The following NUDT5 variants were observed in gnomAD, a reference collection of about 807,000 sequenced individuals.
The protein encoded by NUDT5 is ADP-sugar pyrophosphatase.
In NUDT5, 21 loss-of-function variants were observed where a neutral mutation model predicts 34.1. The observed-to-expected ratio is 0.62, with a 90% CI of 0.44 to 0.89. The LOEUF is 0.89. Ranked by LOEUF, NUDT5 falls within the 40% of genes least tolerant of loss-of-function variation. The pLI is 0.00. For missense variants in NUDT5, 249 were observed against 274.8 expected (o/e 0.91, Z 0.66); for synonymous variants, 85 against 97.6 (o/e 0.87, Z 0.76).
intron 1 of NUDT5, among the ~76,000 whole-genome samples, chr10:12,192,140 G>C (rs1206217294): frequency 2.0e-5 from 3 of 152,038 alleles, no homozygotes; most frequent in Admixed American, 6.6e-5. Flanking sequence ...TCAGGCACTT[G>C]GAACAGTTTA....
At chr10:12,180,666 C>T (rs1274551867) in intron 3 of NUDT5, among the ~76,000 whole-genome samples, 1 of 152,226 alleles carries the variant, frequency 6.6e-6, no homozygotes, top group Non-Finnish European at 1.5e-5. Flanking sequence ...AGATGCACAG[C>T]TGACTGGAAG....
At position 12,171,006 on chromosome 10, in the gene NUDT5, A is replaced by G. The variant is rs1291028511; in HGVS notation, c.488-98T>C. 1 of 1,301,962 alleles carries G rather than the reference A, an allele frequency of 7.7e-7. No individual in the cohort carries two copies. Among genetic ancestry groups the G allele is most frequent in the Non-Finnish European group, 1.1e-6 (1 of 926,820 alleles). The allele number at this position is 1,301,962 out of a possible 1,614,324, so 80.7% of individuals were successfully genotyped here. On this transcript the variant is annotated intron_variant, in intron 7 of 9. Transcript: ENST00000491614. The surrounding 1 kb of genome is among the most constrained non-coding windows in gnomAD (Gnocchi z 4.2). ...GCGTCAAAAAGGCTTTGAGAATTTC[A>G]CAGAAGCCTGGGTTTCTGCTAACTT...
Position 12,166,450 on chromosome 10 carries a change from G to T in NUDT5, c.*1252C>A, listed in dbSNP as rs149319413. On this transcript the variant is annotated 3_prime_UTR_variant, in exon 10 of 10. Coordinates refer to ENST00000491614, the MANE Select transcript of NUDT5 (RefSeq NM_014142.4). The stretch of plus-strand genomic sequence containing the variant: ...TAGACAGCTTCATCTGTAAAGTTCT[G>T]TATTTCCATAATTGTTTTATCTTTA... The T allele has an allele frequency of 7.1e-4, 168 of 235,224 alleles. No homozygotes were observed. Among genetic ancestry groups the T allele is most frequent in the African/African-American group, 3.8e-3 (166 of 44,162 alleles). The allele number at this position is 235,224 out of a possible 1,614,324, so 14.6% of individuals were successfully genotyped here. A position where few individuals can be genotyped will look rare whatever the true frequency, so the allele number is the denominator to read the frequency against.
Position 12,177,379 on chromosome 10 carries a change from C to T in NUDT5, c.289+414G>A, listed in dbSNP as rs187550128. 7.7e-3 allele frequency among the ~76,000 whole-genome samples: 1,161 copies of T among 150,322 alleles called. 13 individuals are homozygous for T. Among genetic ancestry groups the T allele is most frequent in the African/African-American group, 0.027 (1,089 of 40,958 alleles). On this transcript the variant is annotated intron_variant, in intron 5 of 9. Coordinates refer to ENST00000491614, the MANE Select transcript of NUDT5 (RefSeq NM_014142.4). ...CTAAAAATACAAAAAATTAGCCGGG[C>T]GTGGTGGCGGGCGCCTGTAGTCCCA... is the stretch of plus-strand genomic sequence containing the variant.
chr10:12,193,769 C>A (rs2131722068), intron 1 of NUDT5, among the ~76,000 whole-genome samples: 1 of 152,246 alleles, frequency 6.6e-6, no homozygotes, highest in South Asian at 2.1e-4. Context: ...AAATTCCTTC[C>A]CTGTAGTATC....
chr10:12,180,454 G>A (rs909947358), intron 3 of NUDT5: 13 of 152,226 alleles, frequency 8.5e-5, no homozygotes, highest in African/African-American at 3.1e-4. Context: ...GAAGAAGACA[G>A]TGCTGGGAAA....
At position 12,169,186 on chromosome 10, in the gene NUDT5, C is replaced by T. The variant is rs1588653032; in HGVS notation, c.551-1375G>A. On this transcript the variant is annotated intron_variant, in intron 9 of 9. Transcript: ENST00000491614. This position sits in a 1 kb window ranked among gnomAD's most constrained non-coding sequence, Gnocchi z 4.8. The stretch of plus-strand genomic sequence containing the variant: ...TAGGCAACTTGGTTCTTTTACCCCT[C>T]CTCCTTTATAGCCATAGTAGCCCTC... 1.0e-6 allele frequency: 1 copy of T among 968,842 alleles called. No individual in the cohort carries two copies. 60.0% of individuals were successfully genotyped at this position (968,842 alleles called of 1,614,324 possible).
chr10:12,168,226 A>G lies in NUDT5; in HGVS notation c.551-415T>C, dbSNP rs1264537034. Among the ~76,000 whole-genome samples, 1 of 152,030 alleles carries G rather than the reference A, an allele frequency of 6.6e-6. No individual in the cohort carries two copies. Among genetic ancestry groups the G allele is most frequent in the Non-Finnish European group, 1.5e-5 (1 of 67,972 alleles). ...TTTTAGTAGAGACGGGGTTTTTGCCATGTTGGCCAGGATGGTTTCGATCTC... is the reference window on the plus strand; with the variant it reads ...TTTTAGTAGAGACGGGGTTTTTGCCGTGTTGGCCAGGATGGTTTCGATCTC... On this transcript the variant is annotated intron_variant, in intron 9 of 9. Coordinates refer to ENST00000491614, the MANE Select transcript of NUDT5 (RefSeq NM_014142.4). The surrounding 1 kb of genome is among the most constrained non-coding windows in gnomAD (Gnocchi z 4.8).
chr10:12,170,624 G>T lies in NUDT5; in HGVS notation c.550+93C>A. On this transcript the variant is annotated intron_variant, in intron 9 of 9. Transcript: ENST00000491614. The surrounding 1 kb of genome is among the most constrained non-coding windows in gnomAD (Gnocchi z 4.9). The stretch of plus-strand genomic sequence containing the variant: ...CATTTGACTTTAGTGATACAAAAAA[G>T]ATAAAGAAATGGAGTTATATTTAGT... 8.4e-7 allele frequency: 1 copy of T among 1,187,182 alleles called. No homozygotes were observed. The highest frequency in any genetic ancestry group is 2.3e-5 in the East Asian group (1 of 42,900). The allele number at this position is 1,187,182 out of a possible 1,614,324, so 73.5% of individuals were successfully genotyped here. A position where few individuals can be genotyped will look rare whatever the true frequency, so the allele number is the denominator to read the frequency against.
Position 12,187,282 on chromosome 10 carries a change from C to T in NUDT5, c.-41-950G>A, listed in dbSNP as rs1835145536. On this transcript the variant is annotated intron_variant, in intron 1 of 9. Transcript: ENST00000491614. The surrounding 1 kb of genome is among the most constrained non-coding windows in gnomAD (Gnocchi z 5.4). Reference sequence around the variant, plus strand: ...CTCCCGGGCTCAAGCGATCCTCCTCCCGCCTCGGTGTCCCAAAGTGCTGGG... The same window carrying T: ...CTCCCGGGCTCAAGCGATCCTCCTCTCGCCTCGGTGTCCCAAAGTGCTGGG... 1.3e-5 allele frequency among the ~76,000 whole-genome samples: 2 copies of T among 152,126 alleles called. No homozygotes were observed. The highest frequency in any genetic ancestry group is 1.3e-4 in the Admixed American group (2 of 15,270).
At position 12,176,877 on chromosome 10, in the gene NUDT5, T is replaced by G. The variant is rs1379769822; in HGVS notation, c.289+916A>C. ...TGGCTCACACCTGTAATTCCAACACTTTGGGGGGCCAAAGTGGGTGGATCA... is the reference window on the plus strand; with the variant it reads ...TGGCTCACACCTGTAATTCCAACACGTTGGGGGGCCAAAGTGGGTGGATCA... On this transcript the variant is annotated intron_variant, in intron 5 of 9. Coordinates refer to ENST00000491614, the MANE Select transcript of NUDT5 (RefSeq NM_014142.4). Among the ~76,000 whole-genome samples, 3 of 151,896 alleles carry G rather than the reference T, an allele frequency of 2.0e-5. No homozygotes were observed. The East Asian group carries it at 5.8e-4, about 30-fold the overall frequency.
intron 3 of NUDT5, among the ~76,000 whole-genome samples, chr10:12,184,004 T>C (rs1188697504): frequency 6.6e-6 from 1 of 152,238 alleles, no homozygotes; most frequent in African/African-American, 2.4e-5. Flanking sequence ...TTTCTATACA[T>C]AAATTTAATT....
intron 1 of NUDT5, among the ~76,000 whole-genome samples, chr10:12,188,895 G>A (rs1359012382): frequency 6.6e-6 from 1 of 152,050 alleles, no homozygotes. Flanking sequence ...GATGAGAAGT[G>A]TGGGGAAGAT....
rs1195818671 is a variant in NUDT5 at position 12,166,551 on chromosome 10, C to T, written c.*1151G>A. On this transcript the variant is annotated 3_prime_UTR_variant, in exon 10 of 10. Coordinates refer to ENST00000491614, the MANE Select transcript of NUDT5 (RefSeq NM_014142.4). ...CTCAGACAGTGAGCCTGTGGACAAA[C>T]GGAGGCTACTGCAGCATTCTGGCAT... 2.5e-5 allele frequency: 8 copies of T among 324,382 alleles called. No homozygotes were observed. Among genetic ancestry groups the T allele is most frequent in the African/African-American group, 6.5e-5 (3 of 45,896 alleles). 20.1% of individuals were successfully genotyped at this position (324,382 alleles called of 1,614,324 possible).
chr10:12,168,924 G>A lies in NUDT5; in HGVS notation c.551-1113C>T, dbSNP rs564512126. Among the ~76,000 whole-genome samples, 25 of 152,124 alleles carry A rather than the reference G, an allele frequency of 1.6e-4. No individual in the cohort carries two copies. In the South Asian group the frequency reaches 5.2e-3, roughly 32 times the overall value. Reference sequence around the variant, plus strand: ...ACTACCGGCATGTACCACCATGCCTGGCTAATTTTTGTATTTTTAGTAGAG... The same window carrying A: ...ACTACCGGCATGTACCACCATGCCTAGCTAATTTTTGTATTTTTAGTAGAG... On this transcript the variant is annotated intron_variant, in intron 9 of 9. Coordinates refer to ENST00000491614, the MANE Select transcript of NUDT5 (RefSeq NM_014142.4). This position sits in a 1 kb window ranked among gnomAD's most constrained non-coding sequence, Gnocchi z 4.8.
At position 12,167,766 on chromosome 10, in the gene NUDT5, G is replaced by GA; in HGVS notation, c.595dup (p.Ser199PhefsTer15). The stretch of plus-strand genomic sequence containing the variant: ...TGCATGTTTCAGTGCTAGAGCGTAG[G>GA]AATAGACCCTGGCGTCCACTGTGAG... On this transcript the variant is annotated frameshift_variant, in exon 10 of 10. Coordinates refer to ENST00000491614, the MANE Select transcript of NUDT5 (RefSeq NM_014142.4). LOFTEE classifies it high-confidence loss of function. 6.2e-7 allele frequency: 1 copy of GA among 1,614,166 alleles called. No homozygotes were observed. The highest frequency in any genetic ancestry group is 8.5e-7 in the Non-Finnish European group (1 of 1,180,032).
chr10:12,170,259 C>T lies in NUDT5; in HGVS notation c.550+458G>A, dbSNP rs546930424. The T allele has an allele frequency of 9.7e-5, 141 of 1,456,624 alleles. No individual in the cohort carries two copies. The highest frequency in any genetic ancestry group is 6.0e-4 in the South Asian group (52 of 87,284). The allele number at this position is 1,456,624 out of a possible 1,614,324, so 90.2% of individuals were successfully genotyped here. On this transcript the variant is annotated intron_variant, in intron 9 of 9. Coordinates refer to ENST00000491614, the MANE Select transcript of NUDT5 (RefSeq NM_014142.4). This position sits in a 1 kb window ranked among gnomAD's most constrained non-coding sequence, Gnocchi z 4.9. ...TTTATTATGTGAAAAGCATATCACA[C>T]GGAGTATACAGGAAATACCTCAAGT... is the stretch of plus-strand genomic sequence containing the variant.
chr10:12,173,784 C>G lies in NUDT5; in HGVS notation c.319G>C (p.Ala107Pro). The G allele has an allele frequency of 6.2e-7, 1 of 1,613,942 alleles. No homozygotes were observed. Among genetic ancestry groups the G allele is most frequent in the South Asian group, 1.1e-5 (1 of 91,084 alleles). ...TCTTCAAGCTCCCGGAGAGCAGCTG[C>G]TTCTGGGGTTTCACCATCATCTATG... ...GLIDDGETPE[A>P]AALRELEEET... is the part of the protein sequence containing the mutation. The change falls in exon 6 of 10, where the codon GCA becomes CCA. Residue 107 changes from alanine to proline, a missense_variant. By Grantham distance (27) the Ala-to-Pro change is conservative (BLOSUM62 -1). Coordinates refer to ENST00000491614, the MANE Select transcript of NUDT5 (RefSeq NM_014142.4). This position sits in a 1 kb window ranked among gnomAD's most constrained non-coding sequence, Gnocchi z 4.7.
intron 1 of NUDT5, among the ~76,000 whole-genome samples, chr10:12,195,331 G>GT (rs1386254343): frequency 6.6e-6 from 1 of 152,110 alleles, no homozygotes; most frequent in Non-Finnish European, 1.5e-5. Flanking sequence ...AAAAATCTGC[G>GT]TTTTTTCCAG....
Sources: allele counts gnomAD v4.1 joint callset (sites outside exome capture counted in the v4.1 genomes callset), GRCh38; gene constraint gnomAD v4.1.1; non-coding constraint Gnocchi (gnomAD v3.1); transcripts MANE v1.5; gene names NCBI Gene and HGNC (gene_info 2026-07-23, HGNC 2026-07-21).